The following TKT variants were observed in gnomAD, a reference collection of about 807,000 sequenced individuals.
TKT encodes transketolase, also known as epididymis luminal protein 107.
TKT carries 47 observed loss-of-function variants against 63.9 expected under a neutral mutation model. The ratio of observed to expected loss-of-function variants is 0.74; its 90% CI spans 0.58 to 0.94. The LOEUF (loss-of-function observed/expected upper bound fraction) is 0.94. Among genes scored for constraint, TKT ranks in the 40% least tolerant of loss-of-function variants. The probability of loss-of-function intolerance (pLI) is 0.00; values close to 1 mark genes in which losing one functional copy is unlikely to be tolerated. For missense variants in TKT, 721 were observed against 846.2 expected (o/e 0.85, Z 1.84); for synonymous variants, 338 against 334.1 (o/e 1.01, Z -0.13).
chr3:53,241,822 C>T lies in TKT; in HGVS notation c.225+303G>A, dbSNP rs753956709. 1.1e-5 allele frequency: 4 copies of T among 375,964 alleles called. No homozygotes were observed. The Admixed American group carries it at 1.1e-4, about 10-fold the overall frequency. The allele number at this position is 375,964 out of a possible 1,614,324, so 23.3% of individuals were successfully genotyped here. On this transcript the variant is annotated intron_variant, in intron 2 of 13. Transcript: ENST00000462138. ...AGATGCCAGTCCTGCCTGTCAACAC[C>T]CAGACTGGGCAGAACACACAACAGA...
At chr3:53,236,012 C>T (rs1357031249) in intron 4 of TKT, among the ~76,000 whole-genome samples, 2 of 45,256 alleles carry the variant, frequency 4.4e-5, no homozygotes, top group South Asian at 2.6e-3. Flanking sequence ...CTGAAGGTCG[C>T]GCTGTCAGGA....
intron 3 of TKT, 81 bp downstream of exon 3, chr3:53,241,051 G>T: frequency 8.0e-7 from 1 of 1,256,686 alleles, no homozygotes; most frequent in Non-Finnish European, 1.1e-6. Flanking sequence ...TTCTCAGTGG[G>T]CACCCCCTAC....
intron 3 of TKT, among the ~76,000 whole-genome samples, chr3:53,240,914 C>T (rs1374335046): frequency 1.3e-5 from 2 of 152,210 alleles, no homozygotes; most frequent in African/African-American, 4.8e-5. Flanking sequence ...CATCCCAGAG[C>T]ACCCTGGCTG....
rs781931191 is a variant in TKT at position 53,228,976 on chromosome 3, C to G, written c.1395+31G>C. 1.9e-6 allele frequency: 3 copies of G among 1,612,428 alleles called. No homozygotes were observed. The African/African-American group carries it at 4.0e-5, about 22-fold the overall frequency. On this transcript the variant is annotated intron_variant, in intron 10 of 13. Coordinates refer to ENST00000462138, the MANE Select transcript of TKT (RefSeq NM_001064.4). ...GTTTCCCTTGGGAAGTGATGGCTGC[C>G]AGCAGGAGAAAGAACAGCCATGCAA...
At position 53,255,868 on chromosome 3, in the gene TKT, G is replaced by A. The variant is rs1705970723; in HGVS notation, c.75C>T (p.Ser25=). The A allele has an allele frequency of 6.5e-7, 1 of 1,549,046 alleles. No individual in the cohort carries two copies. Among genetic ancestry groups the A allele is most frequent in the Non-Finnish European group, 8.7e-7 (1 of 1,148,552 alleles). ...LKDTANRLRI[S]SIQATTAAGS... is the part of the protein sequence containing the mutation. ...CCGCCGCAGTGGTGGCCTGGATGGA[G>A]CTGATACGTAGGCGGTTGGCCGTGT... is the stretch of plus-strand genomic sequence containing the variant. The change falls in exon 1 of 14, where the codon AGC becomes AGT. Residue 25 remains serine, a synonymous_variant. Coordinates refer to ENST00000462138, the MANE Select transcript of TKT (RefSeq NM_001064.4).
At chr3:53,251,001 G>A (rs1553681570) in intron 1 of TKT, among the ~76,000 whole-genome samples, 2 of 151,986 alleles carry the variant, frequency 1.3e-5, no homozygotes, top group Non-Finnish European at 2.9e-5. Flanking sequence ...GAACTCCCAG[G>A]CTCAAGCAAT....
chr3:53,244,991 G>A (rs567975881), intron 1 of TKT, among the ~76,000 whole-genome samples: 1 of 152,052 alleles, frequency 6.6e-6, no homozygotes, highest in Admixed American at 6.5e-5. Context: ...TTAGAGCTAG[G>A]CCCAAAGAAA....
rs782484096 is a variant in TKT at position 53,242,329 on chromosome 3, G to C, written c.108-87C>G. The C allele has an allele frequency of 1.9e-5, 25 of 1,316,338 alleles. 1 individual carries two copies. Among genetic ancestry groups the C allele is most frequent in the Non-Finnish European group, 2.4e-5 (22 of 919,388 alleles). The allele number at this position is 1,316,338 out of a possible 1,614,324, so 81.5% of individuals were successfully genotyped here. A position where few individuals can be genotyped will look rare whatever the true frequency, so the allele number is the denominator to read the frequency against. On this transcript the variant is annotated intron_variant, in intron 1 of 13. Coordinates refer to ENST00000462138, the MANE Select transcript of TKT (RefSeq NM_001064.4). The stretch of plus-strand genomic sequence containing the variant: ...CTCAGCTGTACAGGGACCTGGGGGT[G>C]CATGTCCTGAGGAGTCACACAGGCC...
At chr3:53,235,290 T>A in intron 4 of TKT, 116 bp from the exon 5 acceptor site, 1 of 962,730 alleles carries the variant, frequency 1.0e-6, no homozygotes, top group Non-Finnish European at 1.5e-6. Flanking sequence ...CGCATGGATA[T>A]GCAGAACAGA....
intron 1 of TKT, among the ~76,000 whole-genome samples, 184 bp downstream of exon 1, chr3:53,255,652 G>T (rs1553682166): frequency 6.6e-6 from 1 of 152,006 alleles, no homozygotes. Flanking sequence ...AGTGTGCGGC[G>T]CAGCGGAAGC....
At chr3:53,255,686 A>T in intron 1 of TKT, 150 bp downstream of exon 1, 1 of 399,866 alleles carries the variant, frequency 2.5e-6, no homozygotes, top group Non-Finnish European at 4.1e-6. Flanking sequence ...GGGCCCTGCG[A>T]GGCGCGCGTC....
Position 53,231,946 on chromosome 3 carries a change from C to T in TKT, c.749-396G>A, listed in dbSNP as rs574566628. 3.2e-4 allele frequency: 84 copies of T among 259,616 alleles called. No homozygotes were observed. In the South Asian group the frequency reaches 8.8e-3, roughly 27 times the overall value. The allele number at this position is 259,616 out of a possible 1,614,324, so 16.1% of individuals were successfully genotyped here. Reference sequence around the variant, plus strand: ...TCTGCTGCAGAAATACTCAGTTTGTCGACTGGGTTGGAAGGGACCCTGGCC... The same window carrying T: ...TCTGCTGCAGAAATACTCAGTTTGTTGACTGGGTTGGAAGGGACCCTGGCC... On this transcript the variant is annotated intron_variant, in intron 6 of 13. Transcript: ENST00000462138.
chr3:53,248,081 C>T (rs149848210), intron 1 of TKT, among the ~76,000 whole-genome samples: 22 of 152,172 alleles, frequency 1.4e-4, no homozygotes, highest in African/African-American at 3.6e-4. Flanking sequence ...CACTATAAAA[C>T]GGAGGTAAAA....
At chr3:53,252,844 C>CT (rs200846216) in intron 1 of TKT, among the ~76,000 whole-genome samples, 47,667 of 147,536 alleles carry the variant, frequency 0.32, 8,115 homozygotes, top group Admixed American at 0.47. Context: ...AAGAGGCATT[C>CT]TTTTTTTTTT....
intron 10 of TKT, 165 bp downstream of exon 10, chr3:53,228,842 G>T: frequency 1.1e-6 from 1 of 945,112 alleles, no homozygotes; most frequent in Non-Finnish European, 1.6e-6. Flanking sequence ...TAAGTGGGGT[G>T]TGTATTTCGT....
At chr3:53,231,739 C>T in intron 6 of TKT, 189 bp from the exon 7 acceptor site, 1 of 602,478 alleles carries the variant, frequency 1.7e-6, no homozygotes. Flanking sequence ...GGATGGACTC[C>T]TACGTGCCCA....
chr3:53,244,284 G>A (rs1705412700), intron 1 of TKT, among the ~76,000 whole-genome samples: 1 of 152,168 alleles, frequency 6.6e-6, no homozygotes, highest in Non-Finnish European at 1.5e-5. Flanking sequence ...AGAGCTTTTG[G>A]GGCTCTCCCT....
At chr3:53,231,867 C>G (rs1477463219) in intron 6 of TKT, 1 of 371,604 alleles carries the variant, frequency 2.7e-6, no homozygotes, top group Non-Finnish European at 4.9e-6. Context: ...ACCAATGTGT[C>G]CATTCTCTTC....
At chr3:53,230,825 T>TAG (rs10666288) in intron 7 of TKT, among the ~76,000 whole-genome samples, 146,813 of 152,212 alleles carry the variant, frequency 0.96, 71,019 homozygotes, top group East Asian at 1. Flanking sequence ...CCCCGGCCCC[T>TAG]TCTGGCTGTG....
Sources: gnomAD v4.1 joint callset for allele counts (sites outside exome capture counted in the v4.1 genomes callset) on GRCh38, gnomAD v4.1.1 for gene constraint, MANE v1.5 for transcripts, NCBI Gene and HGNC (gene_info 2026-07-23, HGNC 2026-07-21) for gene names.